The following UNC5D variants were observed in gnomAD, a reference collection of about 807,000 sequenced individuals.
The protein encoded by UNC5D is netrin receptor UNC5D.
A neutral mutation model predicts 105.4 loss-of-function variants in UNC5D; 39 were observed. That is an observed-to-expected ratio of 0.37 (90% confidence interval 0.29 to 0.48). The LOEUF is 0.48. UNC5D is among the 20% of genes least tolerant of loss of function. The probability of loss-of-function intolerance (pLI) is 0.98; values close to 1 mark genes in which losing one functional copy is unlikely to be tolerated. For missense variants in UNC5D, 991 were observed against 1,202.4 expected (o/e 0.82, Z 2.60); for synonymous variants, 452 against 450.4 (o/e 1.00, Z -0.04).
chr8:35,547,821 A>G (rs1815811679), intron 1 of UNC5D, among the ~76,000 whole-genome samples: 1 of 152,132 alleles, frequency 6.6e-6, no homozygotes, highest in Non-Finnish European at 1.5e-5. Flanking sequence ...GAGGGACAGA[A>G]CTAATAGATG....
At chr8:35,351,967 C>T (rs1192429482) in intron 1 of UNC5D, among the ~76,000 whole-genome samples, 1 of 151,938 alleles carries the variant, frequency 6.6e-6, no homozygotes, top group Non-Finnish European at 1.5e-5. Flanking sequence ...CAGTAAACAG[C>T]AAAATCTCTT....
At chr8:35,737,593 C>G (rs117569497) in intron 11 of UNC5D, among the ~76,000 whole-genome samples, 1 of 152,252 alleles carries the variant, frequency 6.6e-6, no homozygotes, top group South Asian at 2.1e-4. Flanking sequence ...GCTTTTGCCA[C>G]AGCATGTGAC....
At chr8:35,738,588 A>G (rs529455645) in intron 11 of UNC5D, among the ~76,000 whole-genome samples, 1 of 152,230 alleles carries the variant, frequency 6.6e-6, no homozygotes, top group South Asian at 2.1e-4. Context: ...CAAGAGCCTC[A>G]TGAAGATACA....
At position 35,507,042 on chromosome 8, in the gene UNC5D, G is replaced by A. The variant is rs996212279; in HGVS notation, c.104-42250G>A. On this transcript the variant is annotated intron_variant, in intron 1 of 16. Transcript: ENST00000404895. Reference sequence around the variant, plus strand: ...AGTTCTTTTTGCAGGCCTCCATCAGGGCTTTTCTTTTTTTTTTTTTTTTTT... The same window carrying A: ...AGTTCTTTTTGCAGGCCTCCATCAGAGCTTTTCTTTTTTTTTTTTTTTTTT... Among the ~76,000 whole-genome samples, 5 of 148,692 alleles carry A rather than the reference G, an allele frequency of 3.4e-5. No homozygotes were observed. The Admixed American group carries it at 3.4e-4, about 10-fold the overall frequency.
chr8:35,375,508 T>C (rs2128928255), intron 1 of UNC5D, among the ~76,000 whole-genome samples: 1 of 152,296 alleles, frequency 6.6e-6, no homozygotes, highest in Non-Finnish European at 1.5e-5. Context: ...GAACGTGAGT[T>C]ACAGTTCAGA....
intron 4 of UNC5D, among the ~76,000 whole-genome samples, chr8:35,631,451 A>G (rs1822038406): frequency 6.6e-6 from 1 of 152,196 alleles, no homozygotes; most frequent in African/African-American, 2.4e-5. Context: ...TGTCCCTTCA[A>G]CTGCACCATG....
At chr8:35,542,011 G>C (rs2589748) in intron 1 of UNC5D, among the ~76,000 whole-genome samples, 34,869 of 152,064 alleles carry the variant, frequency 0.23, 4,321 homozygotes, top group African/African-American at 0.33. Context: ...CATTCTGCAG[G>C]ATTTAAGATC....
intron 2 of UNC5D, among the ~76,000 whole-genome samples, chr8:35,558,107 CAA>C (rs1816686780): frequency 8.6e-6 from 1 of 115,608 alleles, no homozygotes; most frequent in Non-Finnish European, 1.7e-5. Flanking sequence ...GCCTGGGCGA[CAA>C]GAGTGAAACT....
intron 1 of UNC5D, among the ~76,000 whole-genome samples, chr8:35,493,214 T>A (rs2130131218): frequency 6.9e-6 from 1 of 144,510 alleles, no homozygotes; most frequent in Non-Finnish European, 1.5e-5. Flanking sequence ...AACAACAATT[T>A]AAATTTGTTC....
At chr8:35,736,516 C>A (rs1217767810) in intron 11 of UNC5D, among the ~76,000 whole-genome samples, 1 of 152,162 alleles carries the variant, frequency 6.6e-6, no homozygotes, top group African/African-American at 2.4e-5. Context: ...TAATTGTTAA[C>A]AATTACTAGG....
intron 3 of UNC5D, among the ~76,000 whole-genome samples, chr8:35,585,862 G>T (rs1818764112): frequency 6.6e-6 from 1 of 151,922 alleles, no homozygotes; most frequent in Non-Finnish European, 1.5e-5. Flanking sequence ...GTCCTTTAAT[G>T]CCAGTTATCA....
At chr8:35,735,070 G>A (rs1053647587) in intron 11 of UNC5D, among the ~76,000 whole-genome samples, 8 of 152,192 alleles carry the variant, frequency 5.3e-5, no homozygotes, top group Non-Finnish European at 1.0e-4. Context: ...AAACCACCAC[G>A]TGCCCAGCCT....
intron 6 of UNC5D, among the ~76,000 whole-genome samples, chr8:35,686,004 C>A (rs552366332): frequency 6.6e-6 from 1 of 152,262 alleles, no homozygotes; most frequent in Non-Finnish European, 1.5e-5. Context: ...AGCAGCAGTC[C>A]ATGACCCAAG....
rs773438514 is a variant in UNC5D at position 35,629,484 on chromosome 8, G to A, written c.570+33827G>A. 4.4e-4 allele frequency among the ~76,000 whole-genome samples: 67 copies of A among 152,070 alleles called. 1 individual carries two copies. Among genetic ancestry groups the A allele is most frequent in the Non-Finnish European group, 3.5e-4 (24 of 68,000 alleles). On this transcript the variant is annotated intron_variant, in intron 4 of 16. Transcript: ENST00000404895. ...TCAATGTAGTCGCTTGTAAGTAGGAGCTAAACATAAGGTATTCATGGACAT... is the reference window on the plus strand; with the variant it reads ...TCAATGTAGTCGCTTGTAAGTAGGAACTAAACATAAGGTATTCATGGACAT...
intron 2 of UNC5D, among the ~76,000 whole-genome samples, chr8:35,563,630 C>T (rs1467096132): frequency 6.6e-6 from 1 of 151,994 alleles, no homozygotes; most frequent in East Asian, 1.9e-4. Flanking sequence ...CCTGATTGCT[C>T]TGGCTAGGAC....
intron 1 of UNC5D, among the ~76,000 whole-genome samples, chr8:35,537,350 T>C (rs1486327345): frequency 6.6e-6 from 1 of 152,190 alleles, no homozygotes; most frequent in Non-Finnish European, 1.5e-5. Flanking sequence ...GCTTCTATAA[T>C]GCTGCTGCCT....
chr8:35,585,869 A>G (rs1224774323), intron 3 of UNC5D, among the ~76,000 whole-genome samples: 1 of 152,092 alleles, frequency 6.6e-6, no homozygotes, highest in Non-Finnish European at 1.5e-5. Flanking sequence ...AATGCCAGTT[A>G]TCACTCAGGG....
intron 1 of UNC5D, among the ~76,000 whole-genome samples, chr8:35,395,151 C>T (rs1002314307): frequency 6.6e-6 from 1 of 152,182 alleles, no homozygotes; most frequent in Non-Finnish European, 1.5e-5. Context: ...GCTTTGGGAA[C>T]TTCAGGTTGG....
intron 14 of UNC5D, among the ~76,000 whole-genome samples, chr8:35,765,087 T>G (rs185464934): frequency 6.6e-6 from 1 of 152,336 alleles, no homozygotes; most frequent in South Asian, 2.1e-4. Context: ...CCGGTGAATG[T>G]CCAGAAGCCC....
Sources: allele counts gnomAD v4.1 joint callset (sites outside exome capture counted in the v4.1 genomes callset), GRCh38; gene constraint gnomAD v4.1.1; transcripts MANE v1.5; gene names NCBI Gene and HGNC (gene_info 2026-07-23, HGNC 2026-07-21).